CORO7: variants seen among roughly 807,000 people sequenced by gnomAD.
CORO7 encodes coronin-7.
Under a neutral mutation model 126.6 loss-of-function variants are expected in CORO7, and 107 were observed. The observed-to-expected ratio is 0.85, with a 90% CI of 0.72 to 0.99. The LOEUF (loss-of-function observed/expected upper bound fraction) is 0.99. Ranked by LOEUF, CORO7 falls within the 50% of genes least tolerant of loss-of-function variation. CORO7 has a pLI of 0.00. For synonymous variants in CORO7, 603 were observed against 536.8 expected (o/e 1.12, Z -1.70); for missense variants, 1,314 against 1,255.8 (o/e 1.05, Z -0.70).
chr16:4,355,168 G>T lies in CORO7; in HGVS notation c.2773-5C>A. The T allele has an allele frequency of 1.3e-6, 2 of 1,538,270 alleles. No individual in the cohort carries two copies. The highest frequency in any genetic ancestry group is 1.8e-6 in the Non-Finnish European group (2 of 1,138,468). ...TGACGGGGGCGCAGGCTAGTCCTGG[G>T]GCGAAACACCAAGAGGTGGGAGGGA... On this transcript the variant is annotated splice_region_variant and splice_polypyrimidine_tract_variant and intron_variant, in intron 27 of 27. Transcript: ENST00000251166.
At position 4,364,661 on chromosome 16, in the gene CORO7, G is replaced by T; in HGVS notation, c.1073C>A (p.Pro358Gln). 1 of 1,582,204 alleles carries T rather than the reference G, an allele frequency of 6.3e-7. No individual in the cohort carries two copies. The highest frequency in any genetic ancestry group is 2.3e-5 in the East Asian group (1 of 43,484). Residue 358 changes from proline to glutamine, a missense_variant, in exon 13 of 28, where the codon CCG (proline) becomes CAG (glutamine). Pro to Gln is a moderately conservative substitution (Grantham distance 76). Transcript: ENST00000251166. ...GGCAGGCACACAGCCGGCAGTGTCC[G>T]GGAACAGGTCCTCGTGGAACTCCAC... ...KAVEFHEDLFPDTAGCVPATD... is the reference protein window; with the variant it reads ...KAVEFHEDLFQDTAGCVPATD...
rs187312504 is a variant in CORO7 at position 4,366,169 on chromosome 16, G to T, written c.786-624C>A. 1.8e-3 allele frequency among the ~76,000 whole-genome samples: 269 copies of T among 152,324 alleles called. 1 individual carries two copies. Among genetic ancestry groups the T allele is most frequent in the Admixed American group, 3.4e-3 (52 of 15,308 alleles). ...CCCGGGAGAAGGGGCTCCTCCGGCC[G>T]CTGGGCTTCCCTGCACACCCCAGGC... On this transcript the variant is annotated intron_variant, in intron 9 of 27. Coordinates refer to ENST00000251166, the MANE Select transcript of CORO7 (RefSeq NM_024535.5).
intron 9 of CORO7, chr16:4,380,826 CCT>C: frequency 1.4e-6 from 2 of 1,431,316 alleles, no homozygotes; most frequent in East Asian, 2.5e-5. Flanking sequence ...CTTCTAGGCC[CCT>C]GACTCACAGT....
chr16:4,371,622 G>C (rs368418023), intron 9 of CORO7, among the ~76,000 whole-genome samples: 7 of 152,144 alleles, frequency 4.6e-5, no homozygotes, highest in Non-Finnish European at 8.8e-5. Flanking sequence ...ACAAAAAGCA[G>C]AAACCTGCCC....
At chr16:4,397,948 G>A (rs941150332) in intron 6 of CORO7, among the ~76,000 whole-genome samples, 15 of 150,576 alleles carry the variant, frequency 1.0e-4, no homozygotes, top group Admixed American at 4.0e-4. Flanking sequence ...ACAGAGTCTC[G>A]CTCTGTTGCC....
chr16:4,396,102 C>T (rs527834613), intron 6 of CORO7, among the ~76,000 whole-genome samples: 84 of 151,786 alleles, frequency 5.5e-4, no homozygotes, highest in African/African-American at 2.0e-3. Context: ...TTTTTTGAGA[C>T]AGAGTTTTGC....
At chr16:4,395,459 C>A in intron 6 of CORO7, 120 bp from the exon 7 acceptor site, 1 of 1,320,898 alleles carries the variant, frequency 7.6e-7, no homozygotes, top group Non-Finnish European at 1.1e-6. Flanking sequence ...GCACGCAGGG[C>A]TGCCATCACA....
intron 9 of CORO7, among the ~76,000 whole-genome samples, chr16:4,367,595 G>T (rs1196936966): frequency 6.6e-6 from 1 of 152,166 alleles, no homozygotes; most frequent in Non-Finnish European, 1.5e-5. Flanking sequence ...AGAGCAGGGG[G>T]ACTGGGCCTC....
chr16:4,394,607 G>A (rs575878993), intron 7 of CORO7, among the ~76,000 whole-genome samples: 2 of 152,304 alleles, frequency 1.3e-5, no homozygotes, highest in African/African-American at 2.4e-5. Flanking sequence ...CTCTGCTCCC[G>A]GGCCAGTTAC....
intron 3 of CORO7, among the ~76,000 whole-genome samples, chr16:4,411,681 ACCC>A (rs1436813193): frequency 6.6e-6 from 1 of 151,962 alleles, no homozygotes; most frequent in Non-Finnish European, 1.5e-5. Flanking sequence ...GACCCTGCAC[ACCC>A]AGCCTGAGGA....
intron 6 of CORO7, among the ~76,000 whole-genome samples, chr16:4,398,451 C>CAA (rs2055679678): frequency 6.6e-6 from 1 of 152,004 alleles, no homozygotes; most frequent in Non-Finnish European, 1.5e-5. Context: ...GAATCACTTG[C>CAA]GGTAAGGAGC....
chr16:4,404,154 AG>A (rs1490453533), intron 6 of CORO7, among the ~76,000 whole-genome samples: 3 of 152,224 alleles, frequency 2.0e-5, no homozygotes, highest in Non-Finnish European at 4.4e-5. Context: ...CCAAGTATGC[AG>A]AGCCCTGGGG....
At chr16:4,359,920 C>G (rs1883586340) in intron 21 of CORO7, among the ~76,000 whole-genome samples, 1 of 144,956 alleles carries the variant, frequency 6.9e-6, no homozygotes, top group Non-Finnish European at 1.5e-5. Flanking sequence ...CTCACCCACC[C>G]CTCTATCCAT....
At chr16:4,365,864 G>A (rs1332369886) in intron 9 of CORO7, among the ~76,000 whole-genome samples, 2 of 152,126 alleles carry the variant, frequency 1.3e-5, no homozygotes, top group Non-Finnish European at 1.5e-5. Context: ...TGCATTCTGT[G>A]CCCCTCCCAC....
intron 10 of CORO7, 120 bp from the exon 11 acceptor site, chr16:4,365,180 G>A: frequency 6.9e-7 from 1 of 1,453,198 alleles, no homozygotes; most frequent in Non-Finnish European, 9.3e-7. Context: ...AGTGGCTGGA[G>A]ATGGGGCTCC....
At chr16:4,395,167 C>G in intron 7 of CORO7, 122 bp downstream of exon 7, 2 of 1,421,908 alleles carry the variant, frequency 1.4e-6, no homozygotes, top group Non-Finnish European at 1.9e-6. Context: ...CTGGGGACCC[C>G]TGGTGCTGCA....
At chr16:4,381,505 G>A (rs2054962102) in intron 9 of CORO7, 2 of 1,593,628 alleles carry the variant, frequency 1.3e-6, no homozygotes, top group Admixed American at 1.7e-5. Context: ...GCTGGACGAG[G>A]GGCTCTTCAG....
At chr16:4,405,076 G>A (rs1004103367) in intron 6 of CORO7, among the ~76,000 whole-genome samples, 1 of 152,194 alleles carries the variant, frequency 6.6e-6, no homozygotes, top group African/African-American at 2.4e-5. Flanking sequence ...GCAGAGCCCA[G>A]GTCACGGGTC....
At chr16:4,396,408 T>C (rs534479550) in intron 6 of CORO7, among the ~76,000 whole-genome samples, 1 of 152,338 alleles carries the variant, frequency 6.6e-6, no homozygotes, top group East Asian at 1.9e-4. Context: ...AAGGAAGTTG[T>C]AGAATAACAT....
Sources: allele counts gnomAD v4.1 joint callset (sites outside exome capture counted in the v4.1 genomes callset), GRCh38; gene constraint gnomAD v4.1.1; transcripts MANE v1.5; gene names NCBI Gene and HGNC (gene_info 2026-07-23, HGNC 2026-07-21).